LOC128462377: variants seen among roughly 807,000 people sequenced by gnomAD.
At chr16:89,331,838 G>GT in the LOC128462377 span, among the ~76,000 whole-genome samples, 1 of 152,176 alleles carries the variant, frequency 6.6e-6, no homozygotes, top group East Asian at 1.9e-4. Flanking sequence ...GGTTTTGAAT[G>GT]TTTTCGGCGG....
chr16:89,359,559 G>A, the LOC128462377 span, among the ~76,000 whole-genome samples: 1 of 152,154 alleles, frequency 6.6e-6, no homozygotes, highest in African/African-American at 2.4e-5. Flanking sequence ...GATTCTTCAG[G>A]CTAATCCCAC....
chr16:89,335,775 C>T, the LOC128462377 span, among the ~76,000 whole-genome samples: 708 of 152,294 alleles, frequency 4.6e-3, 5 homozygotes, highest in Middle Eastern at 0.01. Flanking sequence ...CAGTGAGAGG[C>T]CCCAGTGTGG....
At chr16:89,378,803 C>T in the LOC128462377 span, among the ~76,000 whole-genome samples, 2 of 151,936 alleles carry the variant, frequency 1.3e-5, no homozygotes, top group African/African-American at 2.4e-5. Context: ...CCAGGCTGGT[C>T]TCAAACTTCA....
chr16:89,343,906 G>T, the LOC128462377 span: 1 of 152,374 alleles, frequency 6.6e-6, no homozygotes, highest in South Asian at 2.1e-4. Flanking sequence ...AAGGCACGTT[G>T]GAAACTACGG....
chr16:89,358,877 G>C, the LOC128462377 span, among the ~76,000 whole-genome samples: 1 of 152,010 alleles, frequency 6.6e-6, no homozygotes, highest in African/African-American at 2.4e-5. Flanking sequence ...CCAGGCTGGA[G>C]CGCAGTGGTG....
the LOC128462377 span, among the ~76,000 whole-genome samples, chr16:89,409,829 AATTT>A: frequency 6.6e-6 from 1 of 151,396 alleles, no homozygotes; most frequent in African/African-American, 2.4e-5. Context: ...TTTCAATCTA[AATTT>A]ATTTATTTAT....
chr16:89,318,890 G>A, the LOC128462377 span, among the ~76,000 whole-genome samples: 7 of 152,232 alleles, frequency 4.6e-5, no homozygotes. Context: ...GATGCCTGAG[G>A]CCAGACATAT....
chr16:89,331,887 G>C, the LOC128462377 span, among the ~76,000 whole-genome samples: 38 of 151,592 alleles, frequency 2.5e-4, no homozygotes, highest in Non-Finnish European at 3.5e-4. Flanking sequence ...CCGGGTTAAC[G>C]GGCTGGGGTG....
At chr16:89,352,399 G>A in the LOC128462377 span, among the ~76,000 whole-genome samples, 1 of 151,306 alleles carries the variant, frequency 6.6e-6, no homozygotes, top group Non-Finnish European at 1.5e-5. Flanking sequence ...CAAGCAGAAG[G>A]CCACAGTGAC....
the LOC128462377 span, among the ~76,000 whole-genome samples, chr16:89,359,652 C>T: frequency 6.6e-6 from 1 of 152,300 alleles, no homozygotes; most frequent in East Asian, 1.9e-4. Flanking sequence ...CGAAGGTAGC[C>T]GGCTGTTCAC....
the LOC128462377 span, among the ~76,000 whole-genome samples, chr16:89,367,278 C>T: frequency 2.0e-5 from 3 of 152,364 alleles, no homozygotes; most frequent in South Asian, 6.2e-4. Flanking sequence ...GCTCCAGACT[C>T]CTGCCGCAGG....
the LOC128462377 span, among the ~76,000 whole-genome samples, chr16:89,354,116 G>C: frequency 6.6e-6 from 1 of 152,112 alleles, no homozygotes; most frequent in African/African-American, 2.4e-5. Context: ...CCGCCTGCAA[G>C]GTCACTCCAC....
chr16:89,384,874 GTTTTCTTTTTTTTTTTTTT>G, the LOC128462377 span, among the ~76,000 whole-genome samples: 3 of 72,752 alleles, frequency 4.1e-5, no homozygotes, highest in African/African-American at 1.7e-4. Context: ...ATGAGAAATA[GTTTTCTTTTTTTTTTTTTT>G]TTTTTTTTTT....
At chr16:89,390,422 G>T in the LOC128462377 span, among the ~76,000 whole-genome samples, 1 of 152,124 alleles carries the variant, frequency 6.6e-6, no homozygotes, top group Non-Finnish European at 1.5e-5. Flanking sequence ...TGGGTGAGGT[G>T]CAGGAGCCTA....
the LOC128462377 span, chr16:89,418,193 C>T: frequency 6.9e-6 from 3 of 431,992 alleles, no homozygotes; most frequent in African/African-American, 6.1e-5. Context: ...TCCAAGAAAA[C>T]CAACCTGGAC....
At chr16:89,393,290 C>CT in the LOC128462377 span, among the ~76,000 whole-genome samples, 7 of 151,140 alleles carry the variant, frequency 4.6e-5, no homozygotes, top group Non-Finnish European at 7.4e-5. Flanking sequence ...TTAGTTTCCT[C>CT]TTTTTTTTAC....
the LOC128462377 span, among the ~76,000 whole-genome samples, chr16:89,358,870 G>A: frequency 6.6e-6 from 1 of 151,918 alleles, no homozygotes; most frequent in African/African-American, 2.4e-5. Context: ...CTGCTGCCCA[G>A]GCTGGAGCGC....
chr16:89,416,886 C>T, the LOC128462377 span, among the ~76,000 whole-genome samples: 28 of 152,176 alleles, frequency 1.8e-4, no homozygotes, highest in African/African-American at 6.3e-4. Flanking sequence ...GTGTGGGGTG[C>T]TCCCTCATCG....
chr16:89,365,872 C>G, the LOC128462377 span, among the ~76,000 whole-genome samples: 3 of 152,038 alleles, frequency 2.0e-5, no homozygotes, highest in Non-Finnish European at 4.4e-5. Context: ...ACCCCCAACC[C>G]TCAAGCAGAC....
Sources: allele counts gnomAD v4.1 joint callset (sites outside exome capture counted in the v4.1 genomes callset), GRCh38; gene constraint gnomAD v4.1.1; transcripts MANE v1.5.